RALGAPA1: variants seen among roughly 807,000 people sequenced by gnomAD.
RALGAPA1 encodes the protein Ral GTPase activating protein catalytic subunit alpha 1.
In RALGAPA1, 52 loss-of-function variants were observed where a neutral mutation model predicts 269.6. The observed-to-expected ratio is 0.19, with a 90% CI of 0.15 to 0.24. The LOEUF (loss-of-function observed/expected upper bound fraction) is 0.24, where lower values mean the gene tolerates loss of function less well. Among genes scored for constraint, RALGAPA1 ranks in the 10% least tolerant of loss-of-function variants. The pLI, the probability that RALGAPA1 is intolerant of heterozygous loss-of-function variation, is 1.00. For synonymous variants in RALGAPA1, 817 were observed against 1,008.3 expected, an observed-to-expected ratio of 0.81 and a Z score of 3.60; for missense variants, 1,917 against 3,013.9, an observed-to-expected ratio of 0.64 and a Z score of 8.52.
At chr14:35,773,961 A>G (rs915540513) in intron 3 of RALGAPA1, among the ~76,000 whole-genome samples, 1 of 152,096 alleles carries the variant, frequency 6.6e-6, no homozygotes, top group African/African-American at 2.4e-5. Flanking sequence ...TCTCTTGCCC[A>G]AGAGTGCAGT....
intron 16 of RALGAPA1, among the ~76,000 whole-genome samples, chr14:35,706,166 C>G (rs1567049265): frequency 6.6e-6 from 1 of 152,184 alleles, no homozygotes; most frequent in African/African-American, 2.4e-5. Flanking sequence ...GCAATTTTTT[C>G]TTTCATGAAT....
chr14:35,706,524 T>C (rs1047920256), intron 16 of RALGAPA1: 14 of 152,148 alleles, frequency 9.2e-5, no homozygotes, highest in African/African-American at 2.9e-4. Context: ...TTGATTACTA[T>C]ATTAAATTTT....
intron 22 of RALGAPA1, 147 bp from the exon 23 acceptor site, chr14:35,674,856 CA>C (rs1273218004): frequency 9.5e-6 from 5 of 526,344 alleles, no homozygotes; most frequent in Non-Finnish European, 1.3e-5. Context: ...CCGATAAGGT[CA>C]AAACCTCACT....
chr14:35,765,791 C>A (rs1167060223), intron 4 of RALGAPA1: 3 of 482,984 alleles, frequency 6.2e-6, no homozygotes, highest in Middle Eastern at 5.9e-4. Context: ...CCACTACAGC[C>A]AGCCAAAAAT....
rs1005691069 is a variant in RALGAPA1, at chr14:35,702,660, A to G, written c.2267-2358T>C. ...AGACACAAATACATATGCAAATCTT[A>G]AAGTGTTGTTACACAGAGGGTGAAA... On this transcript the variant is annotated intron_variant, in intron 16 of 41. Transcript: ENST00000680220. Among the ~76,000 whole-genome samples, 25 of 151,900 alleles carry G rather than the reference A, an allele frequency of 1.6e-4. No homozygotes were observed. In the East Asian group the frequency reaches 4.0e-3, roughly 25 times the overall value.
intron 4 of RALGAPA1, among the ~76,000 whole-genome samples, chr14:35,767,691 A>C (rs1352677844): frequency 6.6e-6 from 1 of 152,192 alleles, no homozygotes; most frequent in Non-Finnish European, 1.5e-5. Context: ...CCATCTCAAA[A>C]AAACAAACAA....
intron 35 of RALGAPA1, among the ~76,000 whole-genome samples, chr14:35,623,981 GA>G (rs1382831990): frequency 6.6e-6 from 1 of 151,728 alleles, no homozygotes; most frequent in African/African-American, 2.4e-5. Context: ...CAGCTACTCT[GA>G]AGGCTGAGAC....
At chr14:35,797,799 C>T (rs2141877775) in intron 1 of RALGAPA1, among the ~76,000 whole-genome samples, 1 of 150,998 alleles carries the variant, frequency 6.6e-6, no homozygotes, top group South Asian at 2.1e-4. Context: ...GAGCCGAGAT[C>T]CTACCATTGC....
At chr14:35,539,931 C>T (rs2053816661) in intron 41 of RALGAPA1, among the ~76,000 whole-genome samples, 1 of 151,974 alleles carries the variant, frequency 6.6e-6, no homozygotes, top group African/African-American at 2.4e-5. Flanking sequence ...GGGCTAGAAC[C>T]CTGGAAAAAG....
At chr14:35,570,808 T>C in intron 38 of RALGAPA1, 64 bp from the exon 39 acceptor site, 1 of 1,448,376 alleles carries the variant, frequency 6.9e-7, no homozygotes, top group Non-Finnish European at 9.3e-7. Flanking sequence ...ATAAGAGCAA[T>C]CAAGACACTT....
At chr14:35,595,901 G>T (rs1594750111) in intron 36 of RALGAPA1, 112 bp from the exon 37 acceptor site, 1 of 728,680 alleles carries the variant, frequency 1.4e-6, no homozygotes, top group Non-Finnish European at 2.2e-6. Flanking sequence ...TCTTTTGCAT[G>T]TTATCAACCA....
chr14:35,684,937 T>A lies in RALGAPA1; in HGVS notation c.4286A>T (p.Lys1429Ile), dbSNP rs1566997578. The A allele has an allele frequency of 6.8e-6, 11 of 1,613,470 alleles. No individual in the cohort carries two copies. The highest frequency in any genetic ancestry group is 7.6e-6 in the Non-Finnish European group (9 of 1,179,854). The change falls in exon 20 of 42, where the codon AAA (lysine) becomes ATA (isoleucine). Residue 1429 changes from lysine to isoleucine, a missense_variant. Coordinates refer to ENST00000680220, the MANE Select transcript of RALGAPA1 (RefSeq NM_001346249.2). The stretch of plus-strand genomic sequence containing the variant: ...ATAGAAAAGATACTTGCTGTCAAAT[T>A]TTCGGCCATCATATTGGAAAGCGCT... The part of the protein sequence containing the change: ...SFSAFQYDGR[K>I]FDNFGFGTDT...
At chr14:35,766,561 A>T in intron 4 of RALGAPA1, 2 of 848,784 alleles carry the variant, frequency 2.4e-6, no homozygotes, top group Non-Finnish European at 4.1e-6. Flanking sequence ...GCAAGATCTG[A>T]TGGGCTACAA....
At position 35,760,981 on chromosome 14, in the gene RALGAPA1, A is replaced by G; in HGVS notation, c.395T>C (p.Phe132Ser). 6.2e-7 allele frequency: 1 copy of G among 1,602,268 alleles called. No homozygotes were observed. The highest frequency in any genetic ancestry group is 8.5e-7 in the Non-Finnish European group (1 of 1,174,076). ...LKIRREGVRL[F>S]LLWLQALQNN... ...CTGAAGAGCTTGCAACCATAGTAAGAAAAGACGAACACCTTCCCGCCTAAT... is the reference window on the plus strand; with the variant it reads ...CTGAAGAGCTTGCAACCATAGTAAGGAAAGACGAACACCTTCCCGCCTAAT... Residue 132 changes from phenylalanine to serine, a missense_variant, in exon 6 of 42, where the codon TTC becomes TCC. Coordinates refer to ENST00000680220, the MANE Select transcript of RALGAPA1 (RefSeq NM_001346249.2).
At chr14:35,672,726 T>C (rs10483457) in intron 25 of RALGAPA1, 141 bp downstream of exon 25, 79,908 of 751,964 alleles carry the variant, frequency 0.11, 10,673 homozygotes, top group East Asian at 0.52. Flanking sequence ...GTCATAAAAT[T>C]GAAGTAAATT....
intron 31 of RALGAPA1, among the ~76,000 whole-genome samples, chr14:35,638,808 C>T (rs2061824763): frequency 6.6e-6 from 1 of 151,946 alleles, no homozygotes; most frequent in Non-Finnish European, 1.5e-5. Flanking sequence ...TGCTTGTAGT[C>T]CCAGCTAGTT....
intron 33 of RALGAPA1, among the ~76,000 whole-genome samples, chr14:35,631,192 T>C (rs941618248): frequency 6.6e-6 from 1 of 152,174 alleles, no homozygotes; most frequent in Non-Finnish European, 1.5e-5. Flanking sequence ...ACAAATGGGT[T>C]CGCAAAGTTA....
intron 12 of RALGAPA1, among the ~76,000 whole-genome samples, chr14:35,737,241 C>T (rs1280124393): frequency 1.3e-5 from 2 of 151,378 alleles, no homozygotes; most frequent in Non-Finnish European, 2.9e-5. Flanking sequence ...ATATAAAGGA[C>T]CAGCAAAAAA....
At chr14:35,764,854 A>G (rs1333419944) in intron 4 of RALGAPA1, among the ~76,000 whole-genome samples, 1 of 152,074 alleles carries the variant, frequency 6.6e-6, no homozygotes, top group African/African-American at 2.4e-5. Flanking sequence ...CTGGCCTTAA[A>G]TTTTAATATA....
Sources: gnomAD v4.1 joint callset for allele counts (sites outside exome capture counted in the v4.1 genomes callset) on GRCh38, gnomAD v4.1.1 for gene constraint, MANE v1.5 for transcripts, NCBI Gene and HGNC (gene_info 2026-07-23, HGNC 2026-07-21) for gene names.